The following PCCB variants were observed in gnomAD, a reference collection of about 807,000 sequenced individuals.
PCCB encodes the protein propionyl-CoA carboxylase beta chain, mitochondrial.
PCCB carries 43 observed loss-of-function variants against 60.7 expected under a neutral mutation model. The observed-to-expected ratio is 0.71, with a 90% CI of 0.55 to 0.91. The LOEUF is 0.91. Ranked by LOEUF, PCCB falls within the 40% of genes least tolerant of loss-of-function variation. PCCB has a pLI of 0.00. For synonymous variants in PCCB, 276 were observed against 255.9 expected (o/e 1.08, Z -0.75); for missense variants, 766 against 702.8 (o/e 1.09, Z -1.02).
intron 10 of PCCB, among the ~76,000 whole-genome samples, chr3:136,320,088 T>C (rs1935057959): frequency 6.6e-6 from 1 of 152,226 alleles, no homozygotes; most frequent in South Asian, 2.1e-4. Context: ...TGTCACACTG[T>C]TTTGATTACT....
At chr3:136,273,601 T>TC (rs1560005452) in intron 5 of PCCB, among the ~76,000 whole-genome samples, 8 of 135,890 alleles carry the variant, frequency 5.9e-5, no homozygotes, top group African/African-American at 1.5e-4. Flanking sequence ...TTTTTTCTTT[T>TC]TTTTTTTTTT....
intron 3 of PCCB, chr3:136,260,266 C>A (rs1019834005): frequency 1.6e-6 from 1 of 634,630 alleles, no homozygotes; most frequent in Middle Eastern, 4.2e-4. Context: ...TTTGCAGATA[C>A]GGGCTTCTGC....
chr3:136,287,439 GTTTTTTT>G (rs113800160), intron 6 of PCCB, among the ~76,000 whole-genome samples: 1 of 146,782 alleles, frequency 6.8e-6, no homozygotes, highest in African/African-American at 2.5e-5. Context: ...GGTGTTTTTT[GTTTTTTT>G]TTTGAGACAG....
chr3:136,282,368 C>A (rs188211945), intron 5 of PCCB, among the ~76,000 whole-genome samples: 4 of 152,182 alleles, frequency 2.6e-5, no homozygotes, highest in African/African-American at 7.2e-5. Flanking sequence ...TTGGAGCTTC[C>A]TGTTCTCTCT....
chr3:136,290,114 A>G (rs1278985326), intron 6 of PCCB, among the ~76,000 whole-genome samples: 1 of 152,140 alleles, frequency 6.6e-6, no homozygotes, highest in Non-Finnish European at 1.5e-5. Flanking sequence ...TCCTTCTTGA[A>G]TGCTCTTTCT....
At chr3:136,278,742 G>A (rs1286735623) in intron 5 of PCCB, among the ~76,000 whole-genome samples, 1 of 152,188 alleles carries the variant, frequency 6.6e-6, no homozygotes, top group African/African-American at 2.4e-5. Flanking sequence ...TGTTGCATAT[G>A]CACTTGACAA....
chr3:136,315,510 A>G (rs1018393239), intron 9 of PCCB, among the ~76,000 whole-genome samples: 1 of 151,900 alleles, frequency 6.6e-6, no homozygotes, highest in African/African-American at 2.4e-5. Flanking sequence ...CTGGGCAGCT[A>G]AGCGAGACTC....
rs1934381518 is a variant in PCCB at position 136,304,251 on chromosome 3, C to T, written c.966+3140C>T. Among the ~76,000 whole-genome samples the T allele has an allele frequency of 1.7e-5, 2 of 117,362 alleles. 1 individual carries two copies. The highest frequency in any genetic ancestry group is 3.8e-5 in the Non-Finnish European group (2 of 53,022). 77.0% of individuals were successfully genotyped at this position (117,362 alleles called of 152,430 possible). A position where few individuals can be genotyped will look rare whatever the true frequency, so the allele number is the denominator to read the frequency against. On this transcript the variant is annotated intron_variant, in intron 9 of 14. Transcript: ENST00000251654. ...CTCACTGCAGGCTTGACCTCCTGTG[C>T]TCAAGTGATCTTCCCACTTCAGCCT... is the stretch of plus-strand genomic sequence containing the variant.
intron 10 of PCCB, among the ~76,000 whole-genome samples, chr3:136,321,010 T>G (rs1461514103): frequency 6.6e-6 from 1 of 152,252 alleles, no homozygotes; most frequent in East Asian, 1.9e-4. Context: ...TTCATGATTT[T>G]CTTTGTTTTA....
At chr3:136,268,768 C>G (rs1942107416) in intron 5 of PCCB, among the ~76,000 whole-genome samples, 1 of 152,010 alleles carries the variant, frequency 6.6e-6, no homozygotes, top group Non-Finnish European at 1.5e-5. Flanking sequence ...CCAGCCCGAT[C>G]AGCTCTTAAC....
intron 7 of PCCB, among the ~76,000 whole-genome samples, chr3:136,295,918 G>C (rs1055767208): frequency 2.6e-5 from 4 of 151,448 alleles, no homozygotes; most frequent in African/African-American, 9.7e-5. Context: ...ACAATCTCAA[G>C]TACGTTTTGT....
intron 8 of PCCB, among the ~76,000 whole-genome samples, chr3:136,299,587 T>A (rs1211105098): frequency 9.4e-6 from 1 of 106,726 alleles, no homozygotes; most frequent in Non-Finnish European, 1.9e-5. Context: ...TATGTATAGG[T>A]ATGCATGTGT....
At chr3:136,278,339 T>C (rs1274373442) in intron 5 of PCCB, among the ~76,000 whole-genome samples, 2 of 152,178 alleles carry the variant, frequency 1.3e-5, no homozygotes, top group Non-Finnish European at 2.9e-5. Flanking sequence ...CTGCCACTTC[T>C]TTAAAAGGTC....
Position 136,293,737 on chromosome 3 carries a change from T to C in PCCB, c.655-19T>C. On this transcript the variant is annotated intron_variant, in intron 6 of 14. Transcript: ENST00000251654. ...TCTGGTGCTCTGAGGTTGACTGTTC[T>C]GGAAATCTTTTATTTCAGGACACCT... The C allele has an allele frequency of 6.6e-7, 1 of 1,514,192 alleles. No homozygotes were observed. Among genetic ancestry groups the C allele is most frequent in the Non-Finnish European group, 9.2e-7 (1 of 1,089,418 alleles). The allele number at this position is 1,514,192 out of a possible 1,614,324, so 93.8% of individuals were successfully genotyped here.
rs754664563 is a variant in PCCB, at chr3:136,250,420, C to T, written c.45C>T (p.Ser15=). 32 of 1,585,646 alleles carry T rather than the reference C, an allele frequency of 2.0e-5. No homozygotes were observed. The highest frequency in any genetic ancestry group is 2.7e-5 in the Non-Finnish European group (31 of 1,165,924). Residue 15 remains serine, a synonymous_variant, in exon 1 of 15, where the codon AGC becomes AGT. Transcript: ENST00000251654. ...LRVAAVGARL[S]VLASGLRAAV... Reference sequence around the variant, plus strand: ...TGGCGGCGGTCGGGGCAAGGCTCAGCGTTCTGGCGAGCGGTCTCCGCGCCG... The same window carrying T: ...TGGCGGCGGTCGGGGCAAGGCTCAGTGTTCTGGCGAGCGGTCTCCGCGCCG...
intron 9 of PCCB, among the ~76,000 whole-genome samples, chr3:136,311,864 T>C (rs893704340): frequency 6.6e-6 from 1 of 152,192 alleles, no homozygotes; most frequent in Non-Finnish European, 1.5e-5. Context: ...TTAATGTTAT[T>C]AACAAACTGG....
chr3:136,318,162 C>T (rs1934978504), intron 10 of PCCB, among the ~76,000 whole-genome samples: 1 of 152,144 alleles, frequency 6.6e-6, no homozygotes, highest in South Asian at 2.1e-4. Context: ...CATGGTGAAA[C>T]CCTGTCTCTA....
intron 5 of PCCB, among the ~76,000 whole-genome samples, chr3:136,269,747 G>A (rs890870260): frequency 6.6e-6 from 1 of 152,022 alleles, no homozygotes; most frequent in African/African-American, 2.4e-5. Context: ...TTAGCCGGGT[G>A]TGGTGGCGGG....
intron 10 of PCCB, chr3:136,326,175 A>G: frequency 1.7e-6 from 1 of 572,478 alleles, no homozygotes; most frequent in South Asian, 2.3e-5. Context: ...AAAATTTTTC[A>G]TTTATGTTTT....
Sources: allele counts gnomAD v4.1 joint callset (sites outside exome capture counted in the v4.1 genomes callset), GRCh38; gene constraint gnomAD v4.1.1; transcripts MANE v1.5; gene names NCBI Gene and HGNC (gene_info 2026-07-23, HGNC 2026-07-21).